Variants in APBA2 observed in about 807,000 individuals in gnomAD.
APBA2 encodes amyloid beta precursor protein binding family A member 2.
Under a neutral mutation model 75.0 loss-of-function variants are expected in APBA2, and 30 were observed. The observed-to-expected ratio is 0.40, with a 90% CI of 0.30 to 0.54. APBA2 has a LOEUF of 0.54. APBA2 is among the 20% of genes least tolerant of loss of function. The pLI, the probability that APBA2 is intolerant of heterozygous loss-of-function variation, is 0.49. For missense variants in APBA2, 801 were observed against 1,016.1 expected, an observed-to-expected ratio of 0.79 and a Z score of 2.88; for synonymous variants, 444 against 409.6, an observed-to-expected ratio of 1.08 and a Z score of -1.01.
chr15:29,072,439 G>A (rs1391141138), intron 4 of APBA2, among the ~76,000 whole-genome samples: 1 of 152,194 alleles, frequency 6.6e-6, no homozygotes, highest in East Asian at 1.9e-4. Context: ...CATCTGAGGC[G>A]AGATTCTCTT....
chr15:29,052,573 C>T (rs972014251), intron 3 of APBA2, among the ~76,000 whole-genome samples: 2 of 152,134 alleles, frequency 1.3e-5, no homozygotes, highest in Non-Finnish European at 2.9e-5. Flanking sequence ...ACTGGTCTCC[C>T]TGCCTCTAGC....
rs191098979 is a variant in APBA2 at position 28,992,457 on chromosome 15, T to C, written c.-94-3296T>C. Among the ~76,000 whole-genome samples, 6 of 152,360 alleles carry C rather than the reference T, an allele frequency of 3.9e-5. No homozygotes were observed. The East Asian group carries it at 1.2e-3, about 29-fold the overall frequency. On this transcript the variant is annotated intron_variant, in intron 2 of 14. Coordinates refer to ENST00000683413, the MANE Select transcript of APBA2 (RefSeq NM_001353788.2). ...TGCCAGAAATTTGCACGTAGAATAA[T>C]ACAGAGCCTATGATGGCAGTTGAAG...
At chr15:29,109,376 C>T (rs2044609636) in intron 13 of APBA2, among the ~76,000 whole-genome samples, 1 of 152,170 alleles carries the variant, frequency 6.6e-6, no homozygotes, top group Non-Finnish European at 1.5e-5. Flanking sequence ...AAAAAAGAGT[C>T]TGCAAATCTC....
intron 8 of APBA2, among the ~76,000 whole-genome samples, chr15:29,097,049 G>C (rs2152956655): frequency 6.6e-6 from 1 of 152,332 alleles, no homozygotes; most frequent in South Asian, 2.1e-4. Flanking sequence ...CATTTGTGTG[G>C]CACCTCTCTT....
chr15:29,027,784 G>A lies in APBA2; in HGVS notation c.-40-26061G>A, dbSNP rs186902832. The stretch of plus-strand genomic sequence containing the variant: ...GCCTGGCTAATTTTTTGTATTTTTC[G>A]TAGAGATGGGGTTTCACCGTGTTAG... On this transcript the variant is annotated intron_variant, in intron 3 of 14. Coordinates refer to ENST00000683413, the MANE Select transcript of APBA2 (RefSeq NM_001353788.2). Among the ~76,000 whole-genome samples, 383 of 151,720 alleles carry A rather than the reference G, an allele frequency of 2.5e-3. 2 individuals are homozygous for A. The highest frequency in any genetic ancestry group is 0.02 in the Middle Eastern group (6 of 294).
intron 3 of APBA2, among the ~76,000 whole-genome samples, chr15:29,012,316 A>T (rs1412805619): frequency 6.6e-6 from 1 of 152,182 alleles, no homozygotes; most frequent in Admixed American, 6.5e-5. Flanking sequence ...TTTGAAGAGT[A>T]GTGGTCAGGT....
At chr15:29,023,433 C>A (rs2040048373) in intron 3 of APBA2, among the ~76,000 whole-genome samples, 1 of 137,642 alleles carries the variant, frequency 7.3e-6, no homozygotes, top group South Asian at 2.3e-4. Flanking sequence ...GGCCATTATA[C>A]CTTTTTCCTT....
rs143767566 is a variant in APBA2 at position 29,054,834 on chromosome 15, A to G, written c.950A>G (p.Gln317Arg). The change falls in exon 4 of 15, where the codon CAG (glutamine) becomes CGG (arginine). Residue 317 changes from glutamine (Q) to arginine (R), a missense_variant and splice_region_variant. Around this residue, in one of 2 missense-constraint regions of APBA2, gnomAD observed 434 missense variants for 471.6 expected, o/e 0.92. Coordinates refer to ENST00000683413, the MANE Select transcript of APBA2 (RefSeq NM_001353788.2). This position sits in a 1 kb window ranked among gnomAD's most constrained non-coding sequence, Gnocchi z 6.1. ...GAGAGGCTGAAGTGGCCCCACGAGC[A>G]GGTAGGACCCTGGCTGTCCTGGGGA... ...PEERLKWPHE[Q>R]VCNGLEQPRK... 4 of 1,597,590 alleles carry G rather than the reference A, an allele frequency of 2.5e-6. No individual in the cohort carries two copies. The highest frequency in any genetic ancestry group is 3.4e-6 in the Non-Finnish European group (4 of 1,179,082).
chr15:28,897,113 T>G (rs1207595423), intron 1 of APBA2, among the ~76,000 whole-genome samples: 1 of 151,978 alleles, frequency 6.6e-6, no homozygotes, highest in East Asian at 1.9e-4. Flanking sequence ...ATGACTCATC[T>G]TAAAATAATG....
chr15:28,968,101 G>A (rs924543325), intron 2 of APBA2, among the ~76,000 whole-genome samples: 4 of 152,244 alleles, frequency 2.6e-5, no homozygotes, highest in African/African-American at 7.2e-5. Context: ...CAACGTTGTA[G>A]TAAGTGTCAG....
At chr15:28,937,622 T>G (rs561276537) in intron 2 of APBA2, among the ~76,000 whole-genome samples, 1 of 152,096 alleles carries the variant, frequency 6.6e-6, no homozygotes, top group African/African-American at 2.4e-5. Context: ...GGGATTCCAC[T>G]GAGGATGGAG....
In APBA2 at chr15:29,049,621, T is replaced by G. The variant is rs534721406; in HGVS notation, c.-40-4224T>G. On this transcript the variant is annotated intron_variant, in intron 3 of 14. Transcript: ENST00000683413. ...ACCTCTTCACATCTCAACAGTGAAG[T>G]CCCAGATGACCACCCTGACTGCCTC... 4.6e-5 allele frequency among the ~76,000 whole-genome samples: 7 copies of G among 152,260 alleles called. No individual in the cohort carries two copies. In the South Asian group the frequency reaches 1.5e-3, roughly 32 times the overall value.
intron 3 of APBA2, among the ~76,000 whole-genome samples, chr15:29,026,899 C>T (rs1018942035): frequency 1.3e-5 from 2 of 152,184 alleles, no homozygotes; most frequent in African/African-American, 2.4e-5. Context: ...CCAGCCTGGG[C>T]GACAGAGCAA....
At chr15:29,064,170 A>T (rs1016073381) in intron 4 of APBA2, among the ~76,000 whole-genome samples, 2 of 152,194 alleles carry the variant, frequency 1.3e-5, no homozygotes, top group African/African-American at 4.8e-5. Context: ...CTCTTCTTCC[A>T]GGTAGGCAAG....
intron 2 of APBA2, among the ~76,000 whole-genome samples, chr15:28,979,281 C>T (rs920421806): frequency 2.0e-5 from 3 of 152,204 alleles, no homozygotes; most frequent in African/African-American, 4.8e-5. Context: ...TCCCTCAAGC[C>T]GTATTCCTCA....
intron 2 of APBA2, among the ~76,000 whole-genome samples, chr15:28,995,137 A>G (rs1319699604): frequency 2.0e-5 from 3 of 149,728 alleles, no homozygotes; most frequent in Admixed American, 6.7e-5. Context: ...TGGCCTTGAA[A>G]CCCCCGAGCC....
intron 3 of APBA2, among the ~76,000 whole-genome samples, chr15:29,035,035 G>A (rs1335245851): frequency 6.6e-6 from 1 of 152,212 alleles, no homozygotes; most frequent in Non-Finnish European, 1.5e-5. Context: ...CCTGGGCCCT[G>A]GCCTGGTGTC....
At chr15:28,916,103 A>G (rs2033679057) in intron 1 of APBA2, among the ~76,000 whole-genome samples, 1 of 152,204 alleles carries the variant, frequency 6.6e-6, no homozygotes, top group African/African-American at 2.4e-5. Context: ...TGGCCGGCAC[A>G]TTCCCTGGTC....
At chr15:28,899,704 C>T (rs1050826577) in intron 1 of APBA2, among the ~76,000 whole-genome samples, 3 of 152,182 alleles carry the variant, frequency 2.0e-5, no homozygotes, top group African/African-American at 7.2e-5. Flanking sequence ...TTCCTGCAAG[C>T]GTGCTATCTG....
Sources: allele counts gnomAD v4.1 joint callset (sites outside exome capture counted in the v4.1 genomes callset), GRCh38; gene constraint gnomAD v4.1.1; regional missense constraint gnomAD v4.1.1; non-coding constraint Gnocchi (gnomAD v3.1); transcripts MANE v1.5; gene names NCBI Gene and HGNC (gene_info 2026-07-23, HGNC 2026-07-21).